Variants in SOHLH1 observed in about 807,000 individuals in gnomAD.
SOHLH1 encodes the protein spermatogenesis and oogenesis specific basic helix-loop-helix 1, also known as spermatogenesis- and oogenesis-specific basic helix-loop-helix-containing protein 1.
Under a neutral mutation model 36.2 loss-of-function variants are expected in SOHLH1, and 23 were observed. The ratio of observed to expected loss-of-function variants is 0.64; its 90% confidence interval spans 0.46 to 0.90. SOHLH1 has a LOEUF of 0.90. Ranked by LOEUF, SOHLH1 falls within the 40% of genes least tolerant of loss-of-function variation. SOHLH1 has a pLI of 0.00. For synonymous variants in SOHLH1, 289 were observed against 228.3 expected (o/e 1.27, Z -2.40); for missense variants, 608 against 517.0 (o/e 1.18, Z -1.71).
intron 3 of SOHLH1, among the ~76,000 whole-genome samples, 196 bp downstream of exon 3, chr9:135,698,133 T>TC (rs1301987907): frequency 6.6e-6 from 1 of 152,028 alleles, no homozygotes; most frequent in Admixed American, 6.5e-5. Flanking sequence ...CTTGCTCCTT[T>TC]CCAGGAACAG....
Position 135,695,232 on chromosome 9 carries a change from G to T in SOHLH1, c.693C>A (p.Gly231=), listed in dbSNP as rs745829439. 1 of 1,602,274 alleles carries T rather than the reference G, an allele frequency of 6.2e-7. No individual in the cohort carries two copies. Among genetic ancestry groups the T allele is most frequent in the Non-Finnish European group, 8.5e-7 (1 of 1,176,222 alleles). The part of the protein sequence containing the change: ...EPSSLVPWPP[G]RSLPKAVRPP... ...GCCTCACAGCCTTAGGAAGACTCCG[G>T]CCTGGGGGCCACGGCACCAGGCTGG... Residue 231 remains glycine (G), a synonymous_variant, in exon 6 of 8, where the codon GGC becomes GGA. Transcript: ENST00000425225.
intron 4 of SOHLH1, 84 bp downstream of exon 4, chr9:135,697,422 C>G: frequency 1.3e-6 from 2 of 1,565,038 alleles, no homozygotes; most frequent in Non-Finnish European, 1.7e-6. Context: ...AGGCCACACC[C>G]TCCCGAGGAC....
upstream of SOHLH1, chr9:135,699,579 C>A: frequency 1.7e-6 from 2 of 1,158,142 alleles, no homozygotes; most frequent in East Asian, 2.5e-5. Context: ...GCCCACCCCA[C>A]CCCCACTTGC....
At chr9:135,694,121 G>A in intron 7 of SOHLH1, 1 of 1,431,420 alleles carries the variant, frequency 7.0e-7, no homozygotes. Context: ...CGCTGACACA[G>A]GGTCAAGGGG....
rs762492015 is a variant in SOHLH1 at position 135,697,624 on chromosome 9, G to A, written c.349C>T (p.Leu117Phe). The stretch of plus-strand genomic sequence containing the variant: ...TGCCACATTTCCTTGGAGGAAGCAA[G>A]AATCTGAAATTTAAGTAAACATGTA... The part of the protein sequence containing the change: ...LGPSQEQHAI[L>F]ASSKEMWHSL... Residue 117 changes from leucine to phenylalanine, a missense_variant, in exon 4 of 8, where the codon CTT becomes TTT. By Grantham distance (22) the Leu-to-Phe change is conservative. Transcript: ENST00000425225. 1.4e-5 allele frequency: 22 copies of A among 1,611,058 alleles called. No individual in the cohort carries two copies. The highest frequency in any genetic ancestry group is 1.7e-5 in the Admixed American group (1 of 59,960).
chr9:135,699,547 C>G (rs149574223), upstream of SOHLH1: 1 of 1,464,488 alleles, frequency 6.8e-7, no homozygotes, highest in African/African-American at 1.4e-5. Context: ...GCTCTGCCCA[C>G]CTGCCACGTG....
upstream of SOHLH1, among the ~76,000 whole-genome samples, chr9:135,700,881 T>C (rs1009159297): frequency 1.3e-5 from 2 of 152,022 alleles, no homozygotes; most frequent in African/African-American, 4.8e-5. Flanking sequence ...GGCTCCTCAG[T>C]GGCAGAGTGG....
rs1167862172 is a variant in SOHLH1 at position 135,695,240 on chromosome 9, G to T, written c.685C>A (p.Pro229Thr). Residue 229 changes from proline (P) to threonine (T), a missense_variant, in exon 6 of 8, where the codon CCC becomes ACC. Coordinates refer to ENST00000425225, the MANE Select transcript of SOHLH1 (RefSeq NM_001101677.2). ...GCCTTAGGAAGACTCCGGCCTGGGGGCCACGGCACCAGGCTGGAAGGTTCT... is the reference window on the plus strand; with the variant it reads ...GCCTTAGGAAGACTCCGGCCTGGGGTCCACGGCACCAGGCTGGAAGGTTCT... Reference protein sequence around the residue: ...FSEPSSLVPWPPGRSLPKAVR... With the variant: ...FSEPSSLVPWTPGRSLPKAVR... 1 of 1,600,238 alleles carries T rather than the reference G, an allele frequency of 6.2e-7. No individual in the cohort carries two copies. The highest frequency in any genetic ancestry group is 1.1e-5 in the South Asian group (1 of 88,350).
At chr9:135,694,090 C>G in intron 7 of SOHLH1, 6 of 1,428,214 alleles carry the variant, frequency 4.2e-6, no homozygotes, top group Non-Finnish European at 5.5e-6. Flanking sequence ...TGCCGGCCAG[C>G]ACGGGCTGGA....
chr9:135,698,595 G>C lies in SOHLH1; in HGVS notation c.198-119C>G, dbSNP rs1048501983. The C allele has an allele frequency of 4.9e-6, 7 of 1,428,626 alleles. No individual in the cohort carries two copies. The South Asian group carries it at 8.3e-5, about 17-fold the overall frequency. The allele number at this position is 1,428,626 out of a possible 1,614,324, so 88.5% of individuals were successfully genotyped here. On this transcript the variant is annotated intron_variant, in intron 2 of 7. Transcript: ENST00000425225. ...GCTTGTCAGGCAGAGGGGGCTACAAGATGACTCAGAGCTGCCCCCGTGGTC... is the reference window on the plus strand; with the variant it reads ...GCTTGTCAGGCAGAGGGGGCTACAACATGACTCAGAGCTGCCCCCGTGGTC...
intron 5 of SOHLH1, among the ~76,000 whole-genome samples, chr9:135,695,531 G>A (rs572371790): frequency 1.3e-5 from 2 of 152,244 alleles, no homozygotes; most frequent in South Asian, 4.1e-4. Context: ...CCAGCCGCAA[G>A]GGGCTTGGAT....
intron 1 of SOHLH1, 23 bp from the exon 2 acceptor site, chr9:135,699,149 C>T (rs1278249327): frequency 1.3e-6 from 2 of 1,577,764 alleles, no homozygotes; most frequent in Middle Eastern, 2.2e-4. Flanking sequence ...CCAAGAGCAC[C>T]GGGCCCTGAG....
chr9:135,694,963 C>G, intron 6 of SOHLH1, 87 bp downstream of exon 6: 1 of 1,395,958 alleles, frequency 7.2e-7, no homozygotes, highest in South Asian at 1.3e-5. Flanking sequence ...AAAGTGGGCC[C>G]AAGCAGGACT....
In SOHLH1 at chr9:135,695,002, C is replaced by A. The variant is rs771260967; in HGVS notation, c.875+48G>T. 1.7e-5 allele frequency: 26 copies of A among 1,532,322 alleles called. No homozygotes were observed. In the South Asian group the frequency reaches 3.0e-4, roughly 18 times the overall value. The allele number at this position is 1,532,322 out of a possible 1,614,324, so 94.9% of individuals were successfully genotyped here. A position where few individuals can be genotyped will look rare whatever the true frequency, so the allele number is the denominator to read the frequency against. Reference sequence around the variant, plus strand: ...AGGAGGTGGGACAGGCTCACACACACATGCTCGCTCACGCACACACAGGCG... The same window carrying A: ...AGGAGGTGGGACAGGCTCACACACAAATGCTCGCTCACGCACACACAGGCG... On this transcript the variant is annotated intron_variant, in intron 6 of 7. Transcript: ENST00000425225.
chr9:135,701,887 C>T (rs1421028679), upstream of SOHLH1, among the ~76,000 whole-genome samples: 1 of 152,208 alleles, frequency 6.6e-6, no homozygotes, highest in Non-Finnish European at 1.5e-5. Flanking sequence ...GACCCAGAGC[C>T]CCCTGAGCCC....
chr9:135,696,895 C>A (rs966419312), intron 4 of SOHLH1, 90 bp from the exon 5 acceptor site: 2 of 1,433,006 alleles, frequency 1.4e-6, no homozygotes, highest in East Asian at 2.4e-5. Context: ...GAGGGCTGGA[C>A]CCATCCCCAG....
rs1834899105 is a variant in SOHLH1 at position 135,698,474 on chromosome 9, T to C, written c.200A>G (p.Lys67Arg). ...ACGCTCACAGCTCAACGACATCCGC[T>C]TCCTGGTTCCGGTCAAGAAACAAAT... ...RNVISERERR[K>R]RMSLSCERLR... Residue 67 changes from lysine to arginine, a missense_variant and splice_region_variant, in exon 3 of 8, where the codon AAG becomes AGG. Lys to Arg is a conservative substitution (Grantham distance 26, BLOSUM62 2). Coordinates refer to ENST00000425225, the MANE Select transcript of SOHLH1 (RefSeq NM_001101677.2). 2 of 1,613,084 alleles carry C rather than the reference T, an allele frequency of 1.2e-6. No individual in the cohort carries two copies. Among genetic ancestry groups the C allele is most frequent in the East Asian group, 2.2e-5 (1 of 44,876 alleles).
At chr9:135,699,507 T>C (rs768066859), upstream of SOHLH1, 11 of 1,597,298 alleles carry the variant, frequency 6.9e-6, no homozygotes, top group African/African-American at 1.2e-4. Flanking sequence ...GCACGGCCCC[T>C]TCCGCAGGCA....
intron 3 of SOHLH1, 70 bp downstream of exon 3, chr9:135,698,259 C>A: frequency 3.1e-6 from 5 of 1,601,464 alleles, no homozygotes; most frequent in Non-Finnish European, 4.3e-6. Flanking sequence ...GGACACACTG[C>A]CTGCAAGGTG....
Sources: allele counts gnomAD v4.1 joint callset (sites outside exome capture counted in the v4.1 genomes callset), GRCh38; gene constraint gnomAD v4.1.1; transcripts MANE v1.5; gene names NCBI Gene and HGNC (gene_info 2026-07-23, HGNC 2026-07-21).